The following NRG3 variants were observed in gnomAD, a reference collection of about 807,000 sequenced individuals.
NRG3 encodes neuregulin 3, also known as pro-neuregulin-3, membrane-bound isoform.
Under a neutral mutation model 66.9 loss-of-function variants are expected in NRG3, and 31 were observed. The observed-to-expected ratio is 0.46, with a 90% confidence interval of 0.35 to 0.63. The LOEUF is 0.63. Among genes scored for constraint, NRG3 ranks in the 20% least tolerant of loss-of-function variants. The pLI is 0.00. For synonymous variants in NRG3, 393 were observed against 359.4 expected, an observed-to-expected ratio of 1.09 and a Z score of -1.06; for missense variants, 910 against 878.9, an observed-to-expected ratio of 1.04 and a Z score of -0.45.
At chr10:82,828,890 G>A (rs2062377533) in intron 3 of NRG3, among the ~76,000 whole-genome samples, 1 of 152,176 alleles carries the variant, frequency 6.6e-6, no homozygotes, top group South Asian at 2.1e-4. Flanking sequence ...CTGATGGGAA[G>A]TAAAAGGCAT....
intron 1 of NRG3, among the ~76,000 whole-genome samples, chr10:81,876,967 G>A (rs550304966): frequency 6.6e-6 from 1 of 152,126 alleles, no homozygotes; most frequent in South Asian, 2.1e-4. Flanking sequence ...CTTTTGTTCC[G>A]TTCCCAAAGG....
chr10:82,918,948 T>G (rs745529240), intron 4 of NRG3, among the ~76,000 whole-genome samples: 3 of 152,144 alleles, frequency 2.0e-5, no homozygotes, highest in Non-Finnish European at 4.4e-5. Context: ...TGTCTAGTAA[T>G]CCTACCTGTT....
intron 1 of NRG3, among the ~76,000 whole-genome samples, chr10:82,240,902 T>C (rs1393785492): frequency 6.6e-6 from 1 of 152,144 alleles, no homozygotes; most frequent in Non-Finnish European, 1.5e-5. Flanking sequence ...TAGAAGCCTC[T>C]AAGATTTTTT....
At chr10:81,992,325 A>T (rs2133582922) in intron 1 of NRG3, among the ~76,000 whole-genome samples, 1 of 152,292 alleles carries the variant, frequency 6.6e-6, no homozygotes, top group Non-Finnish European at 1.5e-5. Context: ...ACATAATGGA[A>T]GTTGATCTCA....
At chr10:82,230,738 T>C (rs2076414035) in intron 1 of NRG3, among the ~76,000 whole-genome samples, 1 of 152,108 alleles carries the variant, frequency 6.6e-6, no homozygotes, top group Non-Finnish European at 1.5e-5. Context: ...ATGAAAATGT[T>C]ACAAAGAATA....
At chr10:82,094,022 C>T (rs982024269) in intron 1 of NRG3, among the ~76,000 whole-genome samples, 1 of 152,156 alleles carries the variant, frequency 6.6e-6, no homozygotes, top group Non-Finnish European at 1.5e-5. Flanking sequence ...GCTTTGTAAA[C>T]TCCATGTAAA....
intron 4 of NRG3, among the ~76,000 whole-genome samples, chr10:82,910,974 C>A (rs989909392): frequency 6.6e-6 from 1 of 152,232 alleles, no homozygotes; most frequent in Non-Finnish European, 1.5e-5. Context: ...ACCCTTCTTG[C>A]ACAGATGGAC....
intron 1 of NRG3, among the ~76,000 whole-genome samples, chr10:82,005,530 C>G (rs1385308576): frequency 6.6e-6 from 1 of 152,052 alleles, no homozygotes; most frequent in Non-Finnish European, 1.5e-5. Flanking sequence ...AAACATGCAC[C>G]AAGGAATATC....
chr10:82,823,669 A>G (rs2062052878), intron 3 of NRG3, among the ~76,000 whole-genome samples: 2 of 152,014 alleles, frequency 1.3e-5, no homozygotes, highest in Admixed American at 6.6e-5. Flanking sequence ...AGGAGAGCTG[A>G]CACAGGTGTC....
intron 2 of NRG3, among the ~76,000 whole-genome samples, chr10:82,508,127 A>G (rs1844848537): frequency 6.6e-6 from 1 of 152,218 alleles, no homozygotes; most frequent in Non-Finnish European, 1.5e-5. Context: ...CAAGAAATCA[A>G]TATTTCTCTA....
intron 2 of NRG3, among the ~76,000 whole-genome samples, chr10:82,381,565 G>A (rs1264323490): frequency 6.6e-6 from 1 of 152,112 alleles, no homozygotes; most frequent in Non-Finnish European, 1.5e-5. Context: ...CTGAAAGACT[G>A]AAAAGCTATT....
intron 1 of NRG3, among the ~76,000 whole-genome samples, chr10:81,894,382 C>T (rs1361814145): frequency 3.3e-5 from 5 of 152,132 alleles, no homozygotes; most frequent in African/African-American, 1.2e-4. Flanking sequence ...TCTAACATTT[C>T]TGGAGACTGG....
At chr10:82,901,784 C>G (rs1363356421) in intron 4 of NRG3, among the ~76,000 whole-genome samples, 2 of 151,672 alleles carry the variant, frequency 1.3e-5, no homozygotes, top group Non-Finnish European at 2.9e-5. Flanking sequence ...TGGTGGTGCA[C>G]AAATCCACAT....
At chr10:82,190,984 A>C (rs2074109614) in intron 1 of NRG3, among the ~76,000 whole-genome samples, 1 of 152,052 alleles carries the variant, frequency 6.6e-6, no homozygotes, top group African/African-American at 2.4e-5. Context: ...TCCTTCCTAC[A>C]ACTCCCCACC....
chr10:81,890,968 C>T (rs1227405896), intron 1 of NRG3, among the ~76,000 whole-genome samples: 2 of 152,146 alleles, frequency 1.3e-5, no homozygotes, highest in Non-Finnish European at 2.9e-5. Context: ...AGTAGAACTG[C>T]CTCCTTTCCT....
At position 82,854,862 on chromosome 10, in the gene NRG3, T is replaced by C. The variant is rs530752131; in HGVS notation, c.1028-10549T>C. Among the ~76,000 whole-genome samples, 41 of 152,284 alleles carry C rather than the reference T, an allele frequency of 2.7e-4. No individual in the cohort carries two copies. The South Asian group carries it at 8.1e-3, about 30-fold the overall frequency. ...CATTCTCACCATGGATCTTCTCTTT[T>C]CTTAAGTCATCAGTAAAGAGATTTT... is the stretch of plus-strand genomic sequence containing the variant. On this transcript the variant is annotated intron_variant, in intron 3 of 8. Transcript: ENST00000372141.
chr10:82,056,794 C>T (rs1201726193), intron 1 of NRG3, among the ~76,000 whole-genome samples: 7 of 152,102 alleles, frequency 4.6e-5, no homozygotes, highest in East Asian at 1.9e-4. Context: ...TTAGCATTTT[C>T]GAAATATTGT....
intron 2 of NRG3, among the ~76,000 whole-genome samples, chr10:82,720,194 A>G (rs935214520): frequency 2.0e-5 from 3 of 152,194 alleles, no homozygotes; most frequent in African/African-American, 7.2e-5. Context: ...GTTCAAGACC[A>G]GCCTGGCCAA....
At chr10:82,948,958 T>C (rs1283891339) in intron 4 of NRG3, among the ~76,000 whole-genome samples, 1 of 152,126 alleles carries the variant, frequency 6.6e-6, no homozygotes, top group Non-Finnish European at 1.5e-5. Flanking sequence ...CCAGAAGGTA[T>C]GAGAGTGGAT....
Sources: gnomAD v4.1 joint callset for allele counts (sites outside exome capture counted in the v4.1 genomes callset) on GRCh38, gnomAD v4.1.1 for gene constraint, MANE v1.5 for transcripts, NCBI Gene and HGNC (gene_info 2026-07-23, HGNC 2026-07-21) for gene names.